The following AP1M1 variants were observed in gnomAD, a reference collection of about 807,000 sequenced individuals.
AP1M1 encodes the protein adaptor related protein complex 1 subunit mu 1, also known as AP-1 complex subunit mu-1.
Under a neutral mutation model 57.1 loss-of-function variants are expected in AP1M1, and 18 were observed. That is an observed-to-expected ratio of 0.32 (90% CI 0.22 to 0.47). The LOEUF (loss-of-function observed/expected upper bound fraction) is 0.47. Ranked by LOEUF, AP1M1 falls within the 20% of genes least tolerant of loss-of-function variation. The pLI, the probability that AP1M1 is intolerant of heterozygous loss-of-function variation, is 1.00. For synonymous variants in AP1M1, 241 were observed against 237.9 expected (o/e 1.01, Z -0.12); for missense variants, 362 against 593.5 (o/e 0.61, Z 4.05).
chr19:16,208,965 A>G, intron 4 of AP1M1, 65 bp from the exon 5 acceptor site: 3 of 1,559,468 alleles, frequency 1.9e-6, no homozygotes, highest in Non-Finnish European at 2.6e-6. Flanking sequence ...CCGAAATGTC[A>G]AGGCCAGAAG....
In AP1M1 at chr19:16,207,632, T is replaced by C. The variant is rs2091474798; in HGVS notation, c.268-387T>C. ...TTTCCATTGAAATGGGGAAGATGCATCAAGCTTTCCACTGAAATGGGGAAG... is the reference window on the plus strand; with the variant it reads ...TTTCCATTGAAATGGGGAAGATGCACCAAGCTTTCCACTGAAATGGGGAAG... On this transcript the variant is annotated intron_variant, in intron 3 of 11. Transcript: ENST00000291439. The surrounding 1 kb of genome is among the most constrained non-coding windows in gnomAD (Gnocchi z 4.2). Among the ~76,000 whole-genome samples the C allele has an allele frequency of 6.6e-6, 1 of 152,168 alleles. No individual in the cohort carries two copies. Among genetic ancestry groups the C allele is most frequent in the Non-Finnish European group, 1.5e-5 (1 of 68,028 alleles).
chr19:16,198,113 G>C, intron 1 of AP1M1, 45 bp downstream of exon 1: 1 of 1,587,464 alleles, frequency 6.3e-7, no homozygotes, highest in Admixed American at 1.7e-5. Context: ...CAACCGGCAG[G>C]GGCCTCCGCC....
chr19:16,236,301 A>T lies in AP1M1; in HGVS notation c.*1866A>T, dbSNP rs755007421. ...GAGAGACTTCAGTTTCCAGCAACTTATCAGATAAGACCTGCAAACCCTCCA... is the reference window on the plus strand; with the variant it reads ...GAGAGACTTCAGTTTCCAGCAACTTTTCAGATAAGACCTGCAAACCCTCCA... On this transcript the variant is annotated 3_prime_UTR_variant, in exon 12 of 12. Transcript: ENST00000291439. 1 of 152,326 alleles carries T rather than the reference A, an allele frequency of 6.6e-6. No homozygotes were observed. Among genetic ancestry groups the T allele is most frequent in the Non-Finnish European group, 1.5e-5 (1 of 68,112 alleles). The allele number at this position is 152,326 out of a possible 1,614,324, so 9.4% of individuals were successfully genotyped here.
rs1053188389 is a variant in AP1M1 at position 16,203,915 on chromosome 19, G to A, written c.199+300G>A. ...CCTGGCTTCTGCCAGCTGGAGGGGTGGGCAGGCACTAGGCGTGGGTGAAGG... is the reference window on the plus strand; with the variant it reads ...CCTGGCTTCTGCCAGCTGGAGGGGTAGGCAGGCACTAGGCGTGGGTGAAGG... On this transcript the variant is annotated intron_variant, in intron 2 of 11. Transcript: ENST00000291439. This position sits in a 1 kb window ranked among gnomAD's most constrained non-coding sequence, Gnocchi z 4.6. 6.6e-6 allele frequency among the ~76,000 whole-genome samples: 1 copy of A among 152,184 alleles called. No homozygotes were observed. Among genetic ancestry groups the A allele is most frequent in the Non-Finnish European group, 1.5e-5 (1 of 68,028 alleles).
At chr19:16,201,689 C>T (rs994211750) in intron 1 of AP1M1, among the ~76,000 whole-genome samples, 4 of 152,158 alleles carry the variant, frequency 2.6e-5, no homozygotes, top group Non-Finnish European at 5.9e-5. Context: ...TGAGCCACCG[C>T]GCCCAGCTGG....
intron 10 of AP1M1, chr19:16,233,971 G>A: frequency 1.8e-6 from 1 of 570,318 alleles, no homozygotes. Context: ...GGCTGCTGAG[G>A]CCGTGTCTGC....
chr19:16,227,591 C>T lies in AP1M1; in HGVS notation c.717C>T (p.His239=). ...TGGAGCTGGAGGATGTGAAGTTCCA[C>T]CAGTGTGTGCGGCTATCACGCTTCG... ...KSVELEDVKF[H]QCVRLSRFEN... The change falls in exon 7 of 12, where the codon CAC becomes CAT. Residue 239 remains histidine (H), a synonymous_variant. Transcript: ENST00000291439. The surrounding 1 kb of genome is among the most constrained non-coding windows in gnomAD (Gnocchi z 6.2). 6.2e-7 allele frequency: 1 copy of T among 1,614,066 alleles called. No homozygotes were observed. The highest frequency in any genetic ancestry group is 1.7e-4 in the Middle Eastern group (1 of 6,058).
intron 5 of AP1M1, among the ~76,000 whole-genome samples, chr19:16,213,641 C>T (rs1384588918): frequency 2.6e-5 from 4 of 151,916 alleles, no homozygotes; most frequent in African/African-American, 4.8e-5. Context: ...ATTACAGGCA[C>T]GCGCCACCAC....
At chr19:16,221,090 C>A (rs575219742) in intron 5 of AP1M1, among the ~76,000 whole-genome samples, 9 of 152,284 alleles carry the variant, frequency 5.9e-5, no homozygotes, top group Admixed American at 5.2e-4. Flanking sequence ...GGGAAGTTAT[C>A]AATCATTGTT....
intron 5 of AP1M1, among the ~76,000 whole-genome samples, chr19:16,211,454 A>C (rs2091493216): frequency 6.6e-6 from 1 of 152,152 alleles, no homozygotes; most frequent in Non-Finnish European, 1.5e-5. Context: ...GCCAGTTTTC[A>C]GGGGGAACGC....
chr19:16,222,006 TTTACTC>T (rs2091546605), intron 5 of AP1M1, among the ~76,000 whole-genome samples: 1 of 151,476 alleles, frequency 6.6e-6, no homozygotes, highest in Non-Finnish European at 1.5e-5. Context: ...TTTTTGTCAT[TTTACTC>T]TTCCTTCAGG....
chr19:16,227,804 G>C lies in AP1M1; in HGVS notation c.816+114G>C. 1.5e-6 allele frequency: 2 copies of C among 1,337,068 alleles called. No individual in the cohort carries two copies. The highest frequency in any genetic ancestry group is 2.1e-6 in the Non-Finnish European group (2 of 964,344). The allele number at this position is 1,337,068 out of a possible 1,614,324, so 82.8% of individuals were successfully genotyped here. A position where few individuals can be genotyped will look rare whatever the true frequency, so the allele number is the denominator to read the frequency against. ...AGCCCCACCCCACGCTCCATGAGCTGCCTGGCTCTGCAGAGATGGAGTCTG... is the reference window on the plus strand; with the variant it reads ...AGCCCCACCCCACGCTCCATGAGCTCCCTGGCTCTGCAGAGATGGAGTCTG... On this transcript the variant is annotated intron_variant, in intron 7 of 11. Transcript: ENST00000291439. This position sits in a 1 kb window ranked among gnomAD's most constrained non-coding sequence, Gnocchi z 6.2.
At position 16,245,416 on chromosome 19, in the gene AP1M1, G is replaced by C. The variant is rs905788343; in HGVS notation, c.*10981G>C. 6.6e-6 allele frequency: 1 copy of C among 152,098 alleles called. No homozygotes were observed. The highest frequency in any genetic ancestry group is 1.5e-5 in the Non-Finnish European group (1 of 68,056). 9.4% of individuals were successfully genotyped at this position (152,098 alleles called of 1,614,324 possible). A position where few individuals can be genotyped will look rare whatever the true frequency, so the allele number is the denominator to read the frequency against. Reference sequence around the variant, plus strand: ...CCTGCCTCAGCCTCCTGAGTAGCCAGGATTACAGGTGCACGCCACCACACC... The same window carrying C: ...CCTGCCTCAGCCTCCTGAGTAGCCACGATTACAGGTGCACGCCACCACACC... On this transcript the variant is annotated 3_prime_UTR_variant, in exon 12 of 12. Transcript: ENST00000291439.
intron 5 of AP1M1, among the ~76,000 whole-genome samples, 196 bp from the exon 6 acceptor site, chr19:16,226,225 C>T (rs1424729397): frequency 6.6e-6 from 1 of 152,146 alleles, no homozygotes; most frequent in East Asian, 1.9e-4. Context: ...CTCAGCCAGG[C>T]GTGGGTTGGT....
chr19:16,211,568 A>G (rs2091493840), intron 5 of AP1M1, among the ~76,000 whole-genome samples: 1 of 151,904 alleles, frequency 6.6e-6, no homozygotes, highest in Non-Finnish European at 1.5e-5. Flanking sequence ...TTGGCTGGGC[A>G]TGGTAGCTCC....
At chr19:16,224,078 G>T (rs368861297) in intron 5 of AP1M1, among the ~76,000 whole-genome samples, 3 of 152,364 alleles carry the variant, frequency 2.0e-5, no homozygotes, top group African/African-American at 7.2e-5. Context: ...GAGGACTGAG[G>T]CTGCAGACAT....
rs1483154623 is a variant in AP1M1, at chr19:16,240,709, CA to C, written c.*6277del. On this transcript the variant is annotated 3_prime_UTR_variant, in exon 12 of 12. Coordinates refer to ENST00000291439, the MANE Select transcript of AP1M1 (RefSeq NM_032493.4). ...AGGTGATCTGCCTGCTTCGGCCTCC[CA>C]AAGTGCTGGGATTACAGGCATGAGC... 2.0e-5 allele frequency: 3 copies of C among 152,106 alleles called. No individual in the cohort carries two copies. Among genetic ancestry groups the C allele is most frequent in the African/African-American group, 7.2e-5 (3 of 41,410 alleles). The allele number at this position is 152,106 out of a possible 1,614,324, so 9.4% of individuals were successfully genotyped here. A position where few individuals can be genotyped will look rare whatever the true frequency, so the allele number is the denominator to read the frequency against.
At chr19:16,218,907 G>T (rs2091530296) in intron 5 of AP1M1, among the ~76,000 whole-genome samples, 1 of 152,112 alleles carries the variant, frequency 6.6e-6, no homozygotes, top group Non-Finnish European at 1.5e-5. Flanking sequence ...GCACAGTGTT[G>T]AATATGAGTG....
At chr19:16,229,178 A>G (rs2091585180) in intron 9 of AP1M1, among the ~76,000 whole-genome samples, 1 of 152,186 alleles carries the variant, frequency 6.6e-6, no homozygotes, top group South Asian at 2.1e-4. Flanking sequence ...ACCTCAGGGC[A>G]GTGCCCTCTC....
Sources: gnomAD v4.1 joint callset for allele counts (sites outside exome capture counted in the v4.1 genomes callset) on GRCh38, gnomAD v4.1.1 for gene constraint, Gnocchi (gnomAD v3.1) non-coding constraint, MANE v1.5 for transcripts, NCBI Gene and HGNC (gene_info 2026-07-23, HGNC 2026-07-21) for gene names.